TEKT5: variants seen among roughly 807,000 people sequenced by gnomAD.
TEKT5 encodes the protein tektin-5.
TEKT5 carries 52 observed loss-of-function variants against 48.7 expected under a neutral mutation model. The ratio of observed to expected loss-of-function variants is 1.07; its 90% CI spans 0.86 to 1.35. The LOEUF is 1.35. Ranked by LOEUF, TEKT5 falls within the 40% of genes most tolerant of loss-of-function variation. The probability of loss-of-function intolerance (pLI) is 0.00; values close to 1 mark genes in which losing one functional copy is unlikely to be tolerated. For synonymous variants in TEKT5, 318 were observed against 267.6 expected, an observed-to-expected ratio of 1.19 and a Z score of -1.84; for missense variants, 831 against 641.6, an observed-to-expected ratio of 1.30 and a Z score of -3.19.
chr16:10,675,739 A>G (rs1005910387), intron 5 of TEKT5, among the ~76,000 whole-genome samples: 10 of 152,034 alleles, frequency 6.6e-5, no homozygotes, highest in African/African-American at 2.4e-4. Flanking sequence ...GCCAAGCTCC[A>G]GGCTTGTAAG....
At chr16:10,680,841 A>C in intron 4 of TEKT5, among the ~76,000 whole-genome samples, 1 of 110,310 alleles carries the variant, frequency 9.1e-6, no homozygotes, top group African/African-American at 3.4e-5. Context: ...GGGGAACATC[A>C]CACTCTGGGG....
chr16:10,668,028 C>T (rs1898488339), intron 5 of TEKT5, among the ~76,000 whole-genome samples: 1 of 152,090 alleles, frequency 6.6e-6, no homozygotes, highest in Non-Finnish European at 1.5e-5. Context: ...CAGGCATGCG[C>T]CACCATGCCC....
chr16:10,642,897 G>A (rs1018123517), intron 5 of TEKT5, among the ~76,000 whole-genome samples: 1 of 152,104 alleles, frequency 6.6e-6, no homozygotes, highest in Non-Finnish European at 1.5e-5. Context: ...CAGCGAGGTG[G>A]GAGGAATAAG....
intron 5 of TEKT5, among the ~76,000 whole-genome samples, chr16:10,644,093 AAGC>A (rs1471683569): frequency 1.3e-5 from 2 of 152,194 alleles, no homozygotes; most frequent in Non-Finnish European, 2.9e-5. Context: ...TCGCTTTTTC[AAGC>A]AGCTACTAGA....
At chr16:10,632,203 T>G (rs1490234558) in intron 6 of TEKT5, among the ~76,000 whole-genome samples, 1 of 152,228 alleles carries the variant, frequency 6.6e-6, no homozygotes, top group Admixed American at 6.5e-5. Flanking sequence ...TCTGATATGG[T>G]GAACCCTAGC....
chr16:10,643,147 G>A (rs143905823), intron 5 of TEKT5, among the ~76,000 whole-genome samples: 18 of 152,134 alleles, frequency 1.2e-4, no homozygotes, highest in African/African-American at 3.9e-4. Context: ...TTGGGATGCC[G>A]AGGCAGGAGA....
intron 5 of TEKT5, among the ~76,000 whole-genome samples, chr16:10,647,982 T>G (rs1235073885): frequency 1.3e-5 from 2 of 152,266 alleles, no homozygotes; most frequent in Admixed American, 1.3e-4. Context: ...AATCACTTGT[T>G]GAGCACATAC....
intron 5 of TEKT5, among the ~76,000 whole-genome samples, chr16:10,641,383 G>C (rs1036054980): frequency 6.6e-6 from 1 of 152,126 alleles, no homozygotes; most frequent in Non-Finnish European, 1.5e-5. Context: ...CAGCCACTGA[G>C]ACGTTACAGC....
At chr16:10,656,792 G>T (rs1567229358) in intron 5 of TEKT5, among the ~76,000 whole-genome samples, 1 of 152,108 alleles carries the variant, frequency 6.6e-6, no homozygotes, top group Non-Finnish European at 1.5e-5. Flanking sequence ...CCAGGCTGGA[G>T]GGCAATGGTG....
rs761460771 is a variant in TEKT5 at position 10,689,238 on chromosome 16, A to C, written c.719+15T>G. ...ACCCCAAGGAGAGGGAATTAAAAAA[A>C]AAAAAAGCCCTTACCGCATCTGGAT... is the stretch of plus-strand genomic sequence containing the variant. On this transcript the variant is annotated intron_variant, in intron 3 of 6. Transcript: ENST00000283025. 1.3e-6 allele frequency: 2 copies of C among 1,587,922 alleles called. No individual in the cohort carries two copies. Among genetic ancestry groups the C allele is most frequent in the Non-Finnish European group, 1.7e-6 (2 of 1,172,858 alleles).
intron 5 of TEKT5, among the ~76,000 whole-genome samples, chr16:10,638,418 G>A (rs1261060209): frequency 6.6e-6 from 1 of 152,226 alleles, no homozygotes; most frequent in Admixed American, 6.5e-5. Flanking sequence ...AGGACAGGCT[G>A]TCTTGACACC....
At position 10,652,560 on chromosome 16, in the gene TEKT5, C is replaced by CA. The variant is rs1898178741; in HGVS notation, c.1087-16643_1087-16642insT. On this transcript the variant is annotated intron_variant, in intron 5 of 6. Transcript: ENST00000283025. ...AGACATACACACACACACACACACA[C>CA]CCCCTCCAGGCCAGGTAGAATGATC... Among the ~76,000 whole-genome samples, 36 of 124,796 alleles carry CA rather than the reference C, an allele frequency of 2.9e-4. 1 individual carries two copies. Among genetic ancestry groups the CA allele is most frequent in the African/African-American group, 6.6e-4 (20 of 30,140 alleles). The allele number at this position is 124,796 out of a possible 152,430, so 81.9% of individuals were successfully genotyped here. A position where few individuals can be genotyped will look rare whatever the true frequency, so the allele number is the denominator to read the frequency against.
intron 6 of TEKT5, among the ~76,000 whole-genome samples, chr16:10,629,572 G>A (rs935802111): frequency 8.6e-5 from 13 of 151,996 alleles, no homozygotes; most frequent in Admixed American, 3.9e-4. Flanking sequence ...TAATAAACAG[G>A]ATAACAGGGC....
intron 5 of TEKT5, among the ~76,000 whole-genome samples, chr16:10,670,902 TATTTTA>T (rs1474689935): frequency 5.9e-5 from 9 of 151,880 alleles, no homozygotes; most frequent in Non-Finnish European, 1.0e-4. Context: ...TATTTCAACT[TATTTTA>T]ATTTTAATTT....
chr16:10,692,704 G>A (rs1436137933), intron 1 of TEKT5: 1 of 152,236 alleles, frequency 6.6e-6, no homozygotes, highest in Non-Finnish European at 1.5e-5. Flanking sequence ...AAAAGCAATG[G>A]TGCCCATTGA....
intron 3 of TEKT5, 116 bp from the exon 4 acceptor site, chr16:10,682,252 TC>T: frequency 8.5e-7 from 1 of 1,174,404 alleles, no homozygotes; most frequent in Non-Finnish European, 1.2e-6. Context: ...CCCAGTAGCT[TC>T]TCAGTCCTCT....
At chr16:10,685,889 G>A (rs567368400) in intron 3 of TEKT5, among the ~76,000 whole-genome samples, 68 of 152,180 alleles carry the variant, frequency 4.5e-4, no homozygotes, top group African/African-American at 1.6e-3. Flanking sequence ...TTGCAAAAGC[G>A]GCCTCCTGAT....
At chr16:10,637,160 A>AT (rs1897926800) in intron 5 of TEKT5, among the ~76,000 whole-genome samples, 1 of 150,742 alleles carries the variant, frequency 6.6e-6, no homozygotes, top group Non-Finnish European at 1.5e-5. Flanking sequence ...TTTTTTTTAT[A>AT]TTTTTAGTAG....
intron 6 of TEKT5, among the ~76,000 whole-genome samples, chr16:10,631,359 G>A (rs1419981995): frequency 8.2e-6 from 1 of 122,442 alleles, no homozygotes; most frequent in Admixed American, 7.4e-5. Context: ...GGGTGGGGGC[G>A]GGGGAGGGTT....
Sources: allele counts gnomAD v4.1 joint callset (sites outside exome capture counted in the v4.1 genomes callset), GRCh38; gene constraint gnomAD v4.1.1; transcripts MANE v1.5; gene names NCBI Gene and HGNC (gene_info 2026-07-23, HGNC 2026-07-21).